The following DIRAS1 variants were observed in gnomAD, a reference collection of about 807,000 sequenced individuals.
DIRAS1 encodes the protein DIRAS family GTPase 1, also known as GTP-binding protein Di-Ras1.
A neutral mutation model predicts 11.5 loss-of-function variants in DIRAS1; 3 were observed. The ratio of observed to expected loss-of-function variants is 0.26; its 90% confidence interval spans 0.12 to 0.67. The LOEUF (loss-of-function observed/expected upper bound fraction) is 0.67. DIRAS1 is among the 30% of genes least tolerant of loss of function. The pLI is 0.80. For synonymous variants in DIRAS1, 128 were observed against 125.8 expected, an observed-to-expected ratio of 1.02 and a Z score of -0.12; for missense variants, 212 against 285.3, an observed-to-expected ratio of 0.74 and a Z score of 1.85.
At position 2,716,398 on chromosome 19, in the gene DIRAS1, C is replaced by A. The variant is rs1351577077; in HGVS notation, c.*812G>T. ...GTACCCCCTCCTGAGCACCCCAGGT[C>A]CCCACCCGCCATGCGTTGCTAACGT... On this transcript the variant is annotated 3_prime_UTR_variant, in exon 2 of 2. Transcript: ENST00000323469. 6.6e-6 allele frequency: 1 copy of A among 152,426 alleles called. No homozygotes were observed. Among genetic ancestry groups the A allele is most frequent in the East Asian group, 1.9e-4 (1 of 5,196 alleles). 9.4% of individuals were successfully genotyped at this position (152,426 alleles called of 1,614,324 possible). A position where few individuals can be genotyped will look rare whatever the true frequency, so the allele number is the denominator to read the frequency against.
chr19:2,720,507 G>A (rs948650850), intron 1 of DIRAS1, among the ~76,000 whole-genome samples: 7 of 152,326 alleles, frequency 4.6e-5, no homozygotes, highest in Middle Eastern at 3.4e-3. Context: ...GGGGGTGGAG[G>A]CGCACAGCGG....
intron 1 of DIRAS1, among the ~76,000 whole-genome samples, chr19:2,720,616 C>T (rs1199868396): frequency 6.6e-6 from 1 of 152,038 alleles, no homozygotes. Flanking sequence ...CTACCCCAGC[C>T]CTGGGTCCCT....
intron 1 of DIRAS1, among the ~76,000 whole-genome samples, chr19:2,719,385 C>T (rs1433026835): frequency 1.3e-5 from 2 of 152,098 alleles, no homozygotes; most frequent in Non-Finnish European, 2.9e-5. Flanking sequence ...CTTAGAATAG[C>T]ACTTCCTGGG....
rs767868272 is a variant in DIRAS1, at chr19:2,717,852, A to G, written c.-46T>C. On this transcript the variant is annotated 5_prime_UTR_variant, in exon 2 of 2. Coordinates refer to ENST00000323469, the MANE Select transcript of DIRAS1 (RefSeq NM_145173.4). ...GGCCGGGGCCGGGAGGGCTGGTGCC[A>G]GCTGCAAGAACCCCAGACCGAGCCT... 1 of 1,528,768 alleles carries G rather than the reference A, an allele frequency of 6.5e-7. No homozygotes were observed. Among genetic ancestry groups the G allele is most frequent in the Non-Finnish European group, 8.8e-7 (1 of 1,140,188 alleles). 94.7% of individuals were successfully genotyped at this position (1,528,768 alleles called of 1,614,324 possible). A position where few individuals can be genotyped will look rare whatever the true frequency, so the allele number is the denominator to read the frequency against.
At position 2,717,220 on chromosome 19, in the gene DIRAS1, G is replaced by A. The variant is rs1043163856; in HGVS notation, c.587C>T (p.Thr196Ile). Reference protein sequence around the residue: ...KRTDRVKGKCTLM With the variant: ...KRTDRVKGKCILM ...GCGGGCGTTCCGGGCTCACATGAGG[G>A]TGCATTTGCCCTTGACGCGGTCTGT... The change falls in exon 2 of 2, where the codon ACC (threonine) becomes ATC (isoleucine). Residue 196 changes from threonine (T) to isoleucine (I), a missense_variant. By Grantham distance (89) the Thr-to-Ile change is moderately conservative (BLOSUM62 -1). Coordinates refer to ENST00000323469, the MANE Select transcript of DIRAS1 (RefSeq NM_145173.4). The A allele has an allele frequency of 1.3e-6, 2 of 1,589,026 alleles. No individual in the cohort carries two copies. Among genetic ancestry groups the A allele is most frequent in the Middle Eastern group, 1.8e-4 (1 of 5,604 alleles).
intron 1 of DIRAS1, among the ~76,000 whole-genome samples, chr19:2,720,568 C>G (rs544024487): frequency 6.7e-6 from 1 of 148,172 alleles, no homozygotes; most frequent in Admixed American, 6.7e-5. Flanking sequence ...CCCGCCTGTG[C>G]GGGGCAGCCC....
chr19:2,720,598 G>A (rs113437142), intron 1 of DIRAS1, among the ~76,000 whole-genome samples: 6 of 152,344 alleles, frequency 3.9e-5, no homozygotes, highest in Non-Finnish European at 8.8e-5. Context: ...CGTCCAGGCA[G>A]GGCCAATCTA....
At chr19:2,720,707 G>A (rs996467264) in intron 1 of DIRAS1, among the ~76,000 whole-genome samples, 1 of 152,174 alleles carries the variant, frequency 6.6e-6, no homozygotes, top group Non-Finnish European at 1.5e-5. Flanking sequence ...GGAAAGCAGA[G>A]AGAGCCGCGA....
At position 2,716,988 on chromosome 19, in the gene DIRAS1, G is replaced by C. The variant is rs1913820774; in HGVS notation, c.*222C>G. 1 of 571,034 alleles carries C rather than the reference G, an allele frequency of 1.8e-6. No homozygotes were observed. The highest frequency in any genetic ancestry group is 1.9e-5 in the African/African-American group (1 of 53,170). 35.4% of individuals were successfully genotyped at this position (571,034 alleles called of 1,614,324 possible). A position where few individuals can be genotyped will look rare whatever the true frequency, so the allele number is the denominator to read the frequency against. ...CCGGCTCTTGGTTTTGGAGGGTACA[G>C]ACAGAACAGGAGGGTGGAGAGAGAG... On this transcript the variant is annotated 3_prime_UTR_variant, in exon 2 of 2. Coordinates refer to ENST00000323469, the MANE Select transcript of DIRAS1 (RefSeq NM_145173.4).
At position 2,715,757 on chromosome 19, in the gene DIRAS1, T is replaced by C. The variant is rs1374079541; in HGVS notation, c.*1453A>G. On this transcript the variant is annotated 3_prime_UTR_variant, in exon 2 of 2. Coordinates refer to ENST00000323469, the MANE Select transcript of DIRAS1 (RefSeq NM_145173.4). ...TCACATTGCTAGAGTCATGTTGCTA[T>C]AGAGTGGAACACAGATCGTGTCCCT... The C allele has an allele frequency of 6.6e-6, 1 of 152,264 alleles. No homozygotes were observed. Among genetic ancestry groups the C allele is most frequent in the African/African-American group, 2.4e-5 (1 of 41,454 alleles). The allele number at this position is 152,264 out of a possible 1,614,324, so 9.4% of individuals were successfully genotyped here. A position where few individuals can be genotyped will look rare whatever the true frequency, so the allele number is the denominator to read the frequency against.
rs1376653248 is a variant in DIRAS1, at chr19:2,716,054, C to T, written c.*1156G>A. On this transcript the variant is annotated 3_prime_UTR_variant, in exon 2 of 2. Coordinates refer to ENST00000323469, the MANE Select transcript of DIRAS1 (RefSeq NM_145173.4). ...CAGATGCACTTAGATACAAGTCACC[C>T]ATCCGCGCACCCCAGGTTGCACAAA... 6.6e-6 allele frequency: 1 copy of T among 152,342 alleles called. No homozygotes were observed. The highest frequency in any genetic ancestry group is 2.4e-5 in the African/African-American group (1 of 41,470). The allele number at this position is 152,342 out of a possible 1,614,324, so 9.4% of individuals were successfully genotyped here. A position where few individuals can be genotyped will look rare whatever the true frequency, so the allele number is the denominator to read the frequency against.
rs1913754973 is a variant in DIRAS1 at position 2,715,145 on chromosome 19, A to G, written c.*2065T>C. The G allele has an allele frequency of 6.6e-6, 1 of 152,196 alleles. No individual in the cohort carries two copies. Among genetic ancestry groups the G allele is most frequent in the Non-Finnish European group, 1.5e-5 (1 of 68,046 alleles). The allele number at this position is 152,196 out of a possible 1,614,324, so 9.4% of individuals were successfully genotyped here. A position where few individuals can be genotyped will look rare whatever the true frequency, so the allele number is the denominator to read the frequency against. Reference sequence around the variant, plus strand: ...TCCAATAAACATTTGTTGAGTAAACACTCACACGAACACAGAGGAAAACAA... The same window carrying G: ...TCCAATAAACATTTGTTGAGTAAACGCTCACACGAACACAGAGGAAAACAA... On this transcript the variant is annotated 3_prime_UTR_variant, in exon 2 of 2. Transcript: ENST00000323469.
In DIRAS1 at chr19:2,716,874, G is replaced by A. The variant is rs879599356; in HGVS notation, c.*336C>T. 3.5e-4 allele frequency: 102 copies of A among 294,644 alleles called. No individual in the cohort carries two copies. Among genetic ancestry groups the A allele is most frequent in the Non-Finnish European group, 5.4e-4 (85 of 158,484 alleles). The allele number at this position is 294,644 out of a possible 1,614,324, so 18.3% of individuals were successfully genotyped here. ...GGGAAAGAGATGGAAACGGGGAAACGCAGCCTCCTCTGGTCCTGGTGGGAA... is the reference window on the plus strand; with the variant it reads ...GGGAAAGAGATGGAAACGGGGAAACACAGCCTCCTCTGGTCCTGGTGGGAA... On this transcript the variant is annotated 3_prime_UTR_variant, in exon 2 of 2. Transcript: ENST00000323469.
At position 2,716,948 on chromosome 19, in the gene DIRAS1, A is replaced by C; in HGVS notation, c.*262T>G. On this transcript the variant is annotated 3_prime_UTR_variant, in exon 2 of 2. Transcript: ENST00000323469. ...CCCATCCTGTTTTCCCATCTGCAGG[A>C]CAAGGGGGCCACCTCCGGCTCTTGG... 2.2e-6 allele frequency: 1 copy of C among 456,038 alleles called. No individual in the cohort carries two copies. Among genetic ancestry groups the C allele is most frequent in the Non-Finnish European group, 3.9e-6 (1 of 257,992 alleles). The allele number at this position is 456,038 out of a possible 1,614,324, so 28.2% of individuals were successfully genotyped here.
chr19:2,719,235 G>A (rs1380054139), intron 1 of DIRAS1: 1 of 152,202 alleles, frequency 6.6e-6, no homozygotes, highest in Non-Finnish European at 1.5e-5. Flanking sequence ...GCCGCCCCAG[G>A]GAGGAAGGGT....
At position 2,717,815 on chromosome 19, in the gene DIRAS1, C is replaced by T. The variant is rs1448970784; in HGVS notation, c.-9G>A. 2 of 1,582,594 alleles carry T rather than the reference C, an allele frequency of 1.3e-6. No homozygotes were observed. Among genetic ancestry groups the T allele is most frequent in the Admixed American group, 3.4e-5 (2 of 59,096 alleles). On this transcript the variant is annotated 5_prime_UTR_variant, in exon 2 of 2. Transcript: ENST00000323469. Reference sequence around the variant, plus strand: ...TTACTCTGTTCCGGCATCTTCCCCGCGGCGGGTGGGCGGCCGGGGCCGGGA... The same window carrying T: ...TTACTCTGTTCCGGCATCTTCCCCGTGGCGGGTGGGCGGCCGGGGCCGGGA...
rs1426888552 is a variant in DIRAS1 at position 2,717,244 on chromosome 19, GTCC to G, written c.560_562del (p.Arg187del). Reference sequence around the variant, plus strand: ...GGTGCATTTGCCCTTGACGCGGTCTGTCCTCTTCTGCTTCCCGGAGCGCTTGCC... The same window carrying G: ...GGTGCATTTGCCCTTGACGCGGTCTGTCTTCTGCTTCCCGGAGCGCTTGCC... On this transcript the variant is annotated inframe_deletion, in exon 2 of 2. Coordinates refer to ENST00000323469, the MANE Select transcript of DIRAS1 (RefSeq NM_145173.4). 5 of 1,608,414 alleles carry G rather than the reference GTCC, an allele frequency of 3.1e-6. No homozygotes were observed. Among genetic ancestry groups the G allele is most frequent in the Non-Finnish European group, 4.2e-6 (5 of 1,177,404 alleles).
Position 2,715,737 on chromosome 19 carries a change from T to C in DIRAS1, c.*1473A>G, listed in dbSNP as rs761629020. Reference sequence around the variant, plus strand: ...TACAGATTTGGAACCGAAAGTCACATTGCTAGAGTCATGTTGCTATAGAGT... The same window carrying C: ...TACAGATTTGGAACCGAAAGTCACACTGCTAGAGTCATGTTGCTATAGAGT... On this transcript the variant is annotated 3_prime_UTR_variant, in exon 2 of 2. Coordinates refer to ENST00000323469, the MANE Select transcript of DIRAS1 (RefSeq NM_145173.4). 6.6e-6 allele frequency: 1 copy of C among 152,222 alleles called. No individual in the cohort carries two copies. Among genetic ancestry groups the C allele is most frequent in the Non-Finnish European group, 1.5e-5 (1 of 68,054 alleles). 9.4% of individuals were successfully genotyped at this position (152,222 alleles called of 1,614,324 possible). A position where few individuals can be genotyped will look rare whatever the true frequency, so the allele number is the denominator to read the frequency against.
At position 2,718,628 on chromosome 19, in the gene DIRAS1, C is replaced by A. The variant is rs572402983; in HGVS notation, c.-69-753G>T. Among the ~76,000 whole-genome samples, 8 of 152,320 alleles carry A rather than the reference C, an allele frequency of 5.3e-5. No homozygotes were observed. The highest frequency in any genetic ancestry group is 6.5e-5 in the Admixed American group (1 of 15,300). On this transcript the variant is annotated intron_variant, in intron 1 of 1. Coordinates refer to ENST00000323469, the MANE Select transcript of DIRAS1 (RefSeq NM_145173.4). The surrounding 1 kb of genome is among the most constrained non-coding windows in gnomAD (Gnocchi z 4.2). The stretch of plus-strand genomic sequence containing the variant: ...GCAACCTCCACCTCCCGGGTTCAAG[C>A]TATTCTCTTGCCTCAGCCTCCCAAG...
Sources: gnomAD v4.1 joint callset for allele counts (sites outside exome capture counted in the v4.1 genomes callset) on GRCh38, gnomAD v4.1.1 for gene constraint, Gnocchi (gnomAD v3.1) non-coding constraint, MANE v1.5 for transcripts, NCBI Gene and HGNC (gene_info 2026-07-23, HGNC 2026-07-21) for gene names.